The following USP13 variants were observed in gnomAD, a reference collection of about 807,000 sequenced individuals.
USP13 encodes ubiquitin carboxyl-terminal hydrolase 13.
USP13 carries 68 observed loss-of-function variants against 107.8 expected under a neutral mutation model. The observed-to-expected ratio is 0.63, with a 90% CI of 0.52 to 0.77. The LOEUF is 0.77. USP13 is among the 30% of genes least tolerant of loss of function. The probability of loss-of-function intolerance (pLI) is 0.00; values close to 1 mark genes in which losing one functional copy is unlikely to be tolerated. For missense variants in USP13, 945 were observed against 1,093.3 expected (o/e 0.86, Z 1.91); for synonymous variants, 377 against 389.5 (o/e 0.97, Z 0.38).
At position 179,784,913 on chromosome 3, in the gene USP13, C is replaced by T. The variant is rs1315069740; in HGVS notation, c.*772C>T. On this transcript the variant is annotated 3_prime_UTR_variant, in exon 21 of 21. Transcript: ENST00000263966. Reference sequence around the variant, plus strand: ...CAGGAACCTTCGAGAAGATTAGTTCCCCACTTAGATTTTTAAGGAGTAAAA... The same window carrying T: ...CAGGAACCTTCGAGAAGATTAGTTCTCCACTTAGATTTTTAAGGAGTAAAA... The T allele has an allele frequency of 1.3e-5, 2 of 152,084 alleles. No individual in the cohort carries two copies. The highest frequency in any genetic ancestry group is 4.8e-5 in the African/African-American group (2 of 41,396). The allele number at this position is 152,084 out of a possible 1,614,324, so 9.4% of individuals were successfully genotyped here.
At chr3:179,773,080 T>C (rs1373285221) in intron 19 of USP13, among the ~76,000 whole-genome samples, 2 of 152,166 alleles carry the variant, frequency 1.3e-5, no homozygotes, top group African/African-American at 2.4e-5. Context: ...AAATCTCATG[T>C]TGATATGCAA....
Position 179,730,644 on chromosome 3 carries a change from G to A in USP13, c.1189G>A (p.Gly397Ser), listed in dbSNP as rs1433165280. 6.2e-7 allele frequency: 1 copy of A among 1,613,958 alleles called. No homozygotes were observed. The highest frequency in any genetic ancestry group is 2.2e-5 in the East Asian group (1 of 44,892). The change falls in exon 10 of 21, where the codon GGC (glycine) becomes AGC (serine). Residue 397 changes from glycine to serine, a missense_variant. Physicochemically the swap from Gly to Ser is moderately conservative, Grantham distance 56. Coordinates refer to ENST00000263966, the MANE Select transcript of USP13 (RefSeq NM_003940.3). ...MTKLGHGLLS[G>S]QYSKPPVKSE... ...TAAGTTAGGACATGGCCTTCTCTCA[G>A]GCCAGTATTCAAAGCCTCCGGTGAA...
chr3:179,684,758 C>T (rs2108457404), intron 2 of USP13, among the ~76,000 whole-genome samples: 1 of 137,794 alleles, frequency 7.3e-6, no homozygotes, highest in East Asian at 2.1e-4. Flanking sequence ...GCACTTTTTC[C>T]ATGTTTATTT....
intron 14 of USP13, among the ~76,000 whole-genome samples, chr3:179,754,037 G>A (rs150024429): frequency 6.6e-6 from 1 of 152,260 alleles, no homozygotes; most frequent in East Asian, 1.9e-4. Flanking sequence ...CATGATCTGA[G>A]AACGGGTTGC....
At chr3:179,716,258 C>T (rs1713110631) in intron 6 of USP13, among the ~76,000 whole-genome samples, 1 of 152,166 alleles carries the variant, frequency 6.6e-6, no homozygotes. Context: ...TGCTGAGGTA[C>T]ATCCTTACCT....
Position 179,712,753 on chromosome 3 carries a change from C to A in USP13, c.805+3796C>A, listed in dbSNP as rs186234348. On this transcript the variant is annotated intron_variant, in intron 6 of 20. Transcript: ENST00000263966. ...ATTGCTGTGACAAAAAGAGTTAAAT[C>A]TTTAAAATTTTCAGTTACCAAGATT... Among the ~76,000 whole-genome samples the A allele has an allele frequency of 3.3e-5, 5 of 151,886 alleles. No homozygotes were observed. The East Asian group carries it at 7.7e-4, about 23-fold the overall frequency.
chr3:179,689,141 G>T (rs1047560062), intron 2 of USP13, among the ~76,000 whole-genome samples: 10 of 152,194 alleles, frequency 6.6e-5, no homozygotes. Flanking sequence ...ACCTGTGGCT[G>T]CTTGGAATGA....
chr3:179,667,594 C>T (rs55744969), intron 1 of USP13, among the ~76,000 whole-genome samples: 95 of 152,270 alleles, frequency 6.2e-4, no homozygotes, highest in Non-Finnish European at 1.2e-3. Flanking sequence ...CTGCCCCTGG[C>T]CTTCCCCAGC....
chr3:179,671,269 G>A (rs1720743565), intron 1 of USP13, among the ~76,000 whole-genome samples: 1 of 152,106 alleles, frequency 6.6e-6, no homozygotes, highest in South Asian at 2.1e-4. Flanking sequence ...TTGCCACCAT[G>A]CTTTACTTTG....
At chr3:179,762,042 G>C (rs902005230) in intron 17 of USP13, among the ~76,000 whole-genome samples, 2 of 152,084 alleles carry the variant, frequency 1.3e-5, no homozygotes, top group African/African-American at 4.8e-5. Context: ...AGAACATTTT[G>C]TACCCTTCAA....
rs1715873031 is a variant in USP13, at chr3:179,784,887, T to A, written c.*746T>A. 6.6e-6 allele frequency: 1 copy of A among 152,192 alleles called. No homozygotes were observed. The highest frequency in any genetic ancestry group is 2.4e-5 in the African/African-American group (1 of 41,458). The allele number at this position is 152,192 out of a possible 1,614,324, so 9.4% of individuals were successfully genotyped here. A position where few individuals can be genotyped will look rare whatever the true frequency, so the allele number is the denominator to read the frequency against. ...GTAAATATTTTAACAAAACTATGAC[T>A]CAGGAACCTTCGAGAAGATTAGTTC... On this transcript the variant is annotated 3_prime_UTR_variant, in exon 21 of 21. Transcript: ENST00000263966.
In USP13 at chr3:179,764,038, G is replaced by C. The variant is rs1443066246; in HGVS notation, c.2129G>C (p.Gly710Ala). 1 of 1,613,750 alleles carries C rather than the reference G, an allele frequency of 6.2e-7. No homozygotes were observed. Among genetic ancestry groups the C allele is most frequent in the African/African-American group, 1.3e-5 (1 of 74,838 alleles). Residue 710 changes from glycine (G) to alanine (A), a missense_variant, in exon 18 of 21, where the codon GGG (glycine) becomes GCG (alanine). Transcript: ENST00000263966. ...CCGCTGACCATGCCTGGTTATGGAG[G>C]GGCAGCTTCTGCTGGAGCCTCTGTT... ...AEPLTMPGYG[G>A]AASAGASVFG...
intron 17 of USP13, among the ~76,000 whole-genome samples, chr3:179,763,316 C>G (rs1715068311): frequency 6.6e-6 from 1 of 152,122 alleles, no homozygotes; most frequent in South Asian, 2.1e-4. Context: ...AGACTTACTC[C>G]TGTGTTTTCT....
chr3:179,687,681 AAAAAGGACTAGTGCT>A (rs1711925076), intron 2 of USP13, among the ~76,000 whole-genome samples: 1 of 141,310 alleles, frequency 7.1e-6, no homozygotes, highest in African/African-American at 2.7e-5. Context: ...AAAAAAAAAA[AAAAAGGACTAGTGCT>A]GTTGCTTCCT....
At chr3:179,777,679 T>C (rs1328736895) in intron 19 of USP13, among the ~76,000 whole-genome samples, 2 of 151,784 alleles carry the variant, frequency 1.3e-5, no homozygotes, top group Non-Finnish European at 2.9e-5. Context: ...CTCAAACTCC[T>C]GAGCACAAGC....
At chr3:179,733,386 G>A (rs1030410678) in intron 10 of USP13, among the ~76,000 whole-genome samples, 23 of 152,172 alleles carry the variant, frequency 1.5e-4, no homozygotes, top group Admixed American at 1.2e-3. Context: ...GGCCCTGGGG[G>A]TGTCCGTTTC....
chr3:179,734,811 C>T (rs1245764215), intron 10 of USP13, among the ~76,000 whole-genome samples: 3 of 152,238 alleles, frequency 2.0e-5, no homozygotes, highest in Non-Finnish European at 4.4e-5. Flanking sequence ...GACAGGCAGA[C>T]ATGTGTCTAT....
At chr3:179,657,599 A>G (rs1560037466) in intron 1 of USP13, among the ~76,000 whole-genome samples, 1 of 150,600 alleles carries the variant, frequency 6.6e-6, no homozygotes, top group South Asian at 2.1e-4. Flanking sequence ...TGTCTCTACT[A>G]AAAAAAATAC....
At chr3:179,719,459 G>A (rs1335519519) in intron 6 of USP13, among the ~76,000 whole-genome samples, 3 of 152,108 alleles carry the variant, frequency 2.0e-5, no homozygotes, top group Non-Finnish European at 2.9e-5. Flanking sequence ...AGGGTTTCAT[G>A]GGCAGAAATT....
Sources: gnomAD v4.1 joint callset for allele counts (sites outside exome capture counted in the v4.1 genomes callset) on GRCh38, gnomAD v4.1.1 for gene constraint, MANE v1.5 for transcripts, NCBI Gene and HGNC (gene_info 2026-07-23, HGNC 2026-07-21) for gene names.